ARHGAP28: variants seen among roughly 807,000 people sequenced by gnomAD.
The protein encoded by ARHGAP28 is rho GTPase-activating protein 28.
Under a neutral mutation model 90.7 loss-of-function variants are expected in ARHGAP28, and 56 were observed. The ratio of observed to expected loss-of-function variants is 0.62; its 90% CI spans 0.50 to 0.77. The LOEUF is 0.77. Ranked by LOEUF, ARHGAP28 falls within the 30% of genes least tolerant of loss-of-function variation. ARHGAP28 has a pLI of 0.00. For synonymous variants in ARHGAP28, 308 were observed against 323.3 expected (o/e 0.95, Z 0.51); for missense variants, 869 against 900.9 (o/e 0.96, Z 0.45).
chr18:6,760,628 A>C (rs1413085139), intron 1 of ARHGAP28, among the ~76,000 whole-genome samples: 2 of 152,260 alleles, frequency 1.3e-5, no homozygotes, highest in African/African-American at 2.4e-5. Context: ...CTCACTAAGA[A>C]AATGGATTGC....
At chr18:6,858,879 A>T (rs901581816) in intron 4 of ARHGAP28, among the ~76,000 whole-genome samples, 6 of 152,080 alleles carry the variant, frequency 3.9e-5, no homozygotes, top group African/African-American at 1.4e-4. Context: ...TAAAAAAAAA[A>T]AAAGATCTTT....
At chr18:6,903,460 C>T (rs1235355281) in intron 16 of ARHGAP28, among the ~76,000 whole-genome samples, 1 of 152,136 alleles carries the variant, frequency 6.6e-6, no homozygotes, top group East Asian at 1.9e-4. Context: ...TACACATGTA[C>T]TGTAATATCC....
At chr18:6,870,238 C>G (rs117585932) in intron 6 of ARHGAP28, among the ~76,000 whole-genome samples, 109 of 152,304 alleles carry the variant, frequency 7.2e-4, no homozygotes, top group Non-Finnish European at 1.3e-3. Flanking sequence ...GACATTGGGT[C>G]TAGATGAGCT....
intron 2 of ARHGAP28, among the ~76,000 whole-genome samples, chr18:6,828,211 C>T (rs1237155705): frequency 6.6e-6 from 1 of 152,164 alleles, no homozygotes; most frequent in Non-Finnish European, 1.5e-5. Flanking sequence ...ACCAGTCAGG[C>T]GTGGCGGCAC....
intron 5 of ARHGAP28, among the ~76,000 whole-genome samples, chr18:6,862,041 G>A (rs1366072584): frequency 6.6e-6 from 1 of 152,160 alleles, no homozygotes; most frequent in East Asian, 1.9e-4. Context: ...ATATCTCACT[G>A]GCACTGGCCT....
chr18:6,729,883 A>G lies in ARHGAP28; in HGVS notation c.62A>G (p.Gln21Arg), dbSNP rs2055860297. The change falls in exon 1 of 18, where the codon CAG becomes CGG. Residue 21 changes from glutamine to arginine, a missense_variant. By Grantham distance (43) the Gln-to-Arg change is conservative. Coordinates refer to ENST00000383472, the MANE Select transcript of ARHGAP28 (RefSeq NM_001366230.1). The stretch of plus-strand genomic sequence containing the variant: ...GCCTACCACTCGTACGCGCGCGCCC[A>G]GCCCCCCAACGCCGAGTCGCGCTGC... Reference protein sequence around the residue: ...LTAYHSYARAQPPNAESRCAP... With the variant: ...LTAYHSYARARPPNAESRCAP... 7.7e-6 allele frequency: 11 copies of G among 1,432,926 alleles called. No homozygotes were observed. Among genetic ancestry groups the G allele is most frequent in the Middle Eastern group, 2.4e-4 (1 of 4,152 alleles). 88.8% of individuals were successfully genotyped at this position (1,432,926 alleles called of 1,614,324 possible). A position where few individuals can be genotyped will look rare whatever the true frequency, so the allele number is the denominator to read the frequency against.
At chr18:6,751,014 C>T (rs2056064634) in intron 1 of ARHGAP28, among the ~76,000 whole-genome samples, 2 of 152,098 alleles carry the variant, frequency 1.3e-5, no homozygotes, top group Admixed American at 1.3e-4. Flanking sequence ...TCCTCTGTAG[C>T]TGACCCCTAC....
At chr18:6,736,888 A>G (rs1430457855) in intron 1 of ARHGAP28, among the ~76,000 whole-genome samples, 1 of 150,900 alleles carries the variant, frequency 6.6e-6, no homozygotes, top group Non-Finnish European at 1.5e-5. Context: ...TACCTGATGG[A>G]AAACATTTTC....
At chr18:6,777,143 A>G (rs555216805) in intron 1 of ARHGAP28, among the ~76,000 whole-genome samples, 6 of 152,332 alleles carry the variant, frequency 3.9e-5, no homozygotes, top group African/African-American at 1.2e-4. Context: ...AGGCGGTGCA[A>G]TAACCTAGAT....
At chr18:6,779,943 T>TC (rs2056311834) in intron 1 of ARHGAP28, among the ~76,000 whole-genome samples, 2 of 152,208 alleles carry the variant, frequency 1.3e-5, no homozygotes, top group Non-Finnish European at 2.9e-5. Flanking sequence ...ATAAGAATGA[T>TC]CCCTATGAAC....
rs370711423 is a variant in ARHGAP28, at chr18:6,882,221, T to C, written c.1375T>C (p.Leu459=). 1.6e-5 allele frequency: 26 copies of C among 1,614,004 alleles called. No individual in the cohort carries two copies. Among genetic ancestry groups the C allele is most frequent in the African/African-American group, 1.5e-4 (11 of 74,938 alleles). ...GTGCCATAGAGAAGCTGCAGTAATG[T>C]TGAAAGCGTTTTTCAGAGAACTACC... ...KMCHREAAVM[L]KAFFRELPTS... is the part of the protein sequence containing the mutation. The change falls in exon 11 of 18, where the codon TTG becomes CTG. Residue 459 remains leucine, a synonymous_variant. Transcript: ENST00000383472.
intron 1 of ARHGAP28, among the ~76,000 whole-genome samples, chr18:6,734,990 C>T (rs1308945854): frequency 6.6e-6 from 1 of 152,190 alleles, no homozygotes; most frequent in Non-Finnish European, 1.5e-5. Flanking sequence ...TTGATGGTAT[C>T]ATATGGCTAA....
In ARHGAP28 at chr18:6,818,355, G is replaced by A. The variant is rs2056605355; in HGVS notation, c.123-6407G>A. Among the ~76,000 whole-genome samples, 4 of 152,288 alleles carry A rather than the reference G, an allele frequency of 2.6e-5. No homozygotes were observed. The South Asian group carries it at 6.2e-4, about 24-fold the overall frequency. On this transcript the variant is annotated intron_variant, in intron 1 of 17. Coordinates refer to ENST00000383472, the MANE Select transcript of ARHGAP28 (RefSeq NM_001366230.1). ...TTGAAATTAAGAACAATTACAGGAG[G>A]GAGAGCATTTGGACCAGACGGGGAA...
chr18:6,870,525 T>C (rs62082833), intron 6 of ARHGAP28, 65 bp from the exon 7 acceptor site: 379,831 of 1,447,278 alleles, frequency 0.26, 50,491 homozygotes, highest in Middle Eastern at 0.3. Context: ...ATTTGTTTTA[T>C]AGCAAATAGT....
At chr18:6,841,157 T>TCACTGTCTCTCTCCTCTTTCTCTCTCTCC (rs2056808776) in intron 3 of ARHGAP28, among the ~76,000 whole-genome samples, 2 of 70,282 alleles carry the variant, frequency 2.8e-5, no homozygotes, top group Non-Finnish European at 5.7e-5. Flanking sequence ...TCTCTCCTCT[T>TCACTGTCTCTCTCCTCTTTCTCTCTCTCC]TCTCTCTCTC....
rs74901330 is a variant in ARHGAP28 at position 6,886,680 on chromosome 18, G to A, written c.1454-477G>A. ...CTATTCCTATTTTACAGATAATAAA[G>A]TAGATGCAACAGGGATTAAATAACC... On this transcript the variant is annotated intron_variant, in intron 11 of 17. Transcript: ENST00000383472. 6.3e-3 allele frequency among the ~76,000 whole-genome samples: 954 copies of A among 152,284 alleles called. 10 individuals carry two copies. Among genetic ancestry groups the A allele is most frequent in the African/African-American group, 0.021 (888 of 41,560 alleles).
intron 1 of ARHGAP28, among the ~76,000 whole-genome samples, chr18:6,817,439 A>C (rs1389020765): frequency 6.6e-6 from 1 of 152,170 alleles, no homozygotes; most frequent in Non-Finnish European, 1.5e-5. Flanking sequence ...TATTCCCCTT[A>C]GTGGGATACA....
intron 7 of ARHGAP28, among the ~76,000 whole-genome samples, chr18:6,871,355 A>G (rs1241558898): frequency 6.6e-6 from 1 of 152,192 alleles, no homozygotes; most frequent in Non-Finnish European, 1.5e-5. Flanking sequence ...TCATACATCA[A>G]TGCAGACCCT....
At chr18:6,873,267 T>A in intron 7 of ARHGAP28, 142 bp from the exon 8 acceptor site, 1 of 684,874 alleles carries the variant, frequency 1.5e-6, no homozygotes, top group Non-Finnish European at 2.4e-6. Flanking sequence ...TTCATATTTC[T>A]AGGATGCAGC....
Sources: gnomAD v4.1 joint callset for allele counts (sites outside exome capture counted in the v4.1 genomes callset) on GRCh38, gnomAD v4.1.1 for gene constraint, MANE v1.5 for transcripts, NCBI Gene and HGNC (gene_info 2026-07-23, HGNC 2026-07-21) for gene names.